Variants in ZNF385D observed in about 807,000 individuals in gnomAD.
ZNF385D encodes zinc finger protein 659.
A neutral mutation model predicts 35.8 loss-of-function variants in ZNF385D; 15 were observed. The ratio of observed to expected loss-of-function variants is 0.42; its 90% CI spans 0.28 to 0.64. The LOEUF is 0.64. Among genes scored for constraint, ZNF385D ranks in the 30% least tolerant of loss-of-function variants. ZNF385D has a pLI of 0.23. For missense variants in ZNF385D, 474 were observed against 494.6 expected, an observed-to-expected ratio of 0.96 and a Z score of 0.39; for synonymous variants, 212 against 186.8, an observed-to-expected ratio of 1.13 and a Z score of -1.10.
At chr3:21,574,374 G>A (rs182824534) in intron 2 of ZNF385D, among the ~76,000 whole-genome samples, 9 of 152,110 alleles carry the variant, frequency 5.9e-5, no homozygotes, top group Admixed American at 5.9e-4. Flanking sequence ...ACATATAAAT[G>A]GCTAGAAAAT....
intron 3 of ZNF385D, among the ~76,000 whole-genome samples, chr3:22,005,667 C>T (rs1359721895): frequency 1.3e-5 from 2 of 152,006 alleles, no homozygotes; most frequent in African/African-American, 4.8e-5. Flanking sequence ...ATTATATTCT[C>T]ACACCTCATT....
intron 3 of ZNF385D, among the ~76,000 whole-genome samples, chr3:22,022,089 T>A (rs548514751): frequency 2.8e-4 from 43 of 152,088 alleles, no homozygotes; most frequent in Non-Finnish European, 6.0e-4. Context: ...TAGTAACTGA[T>A]GAGTTCAGAT....
At position 21,721,961 on chromosome 3, in the gene ZNF385D, G is replaced by A. The variant is rs376896324; in HGVS notation, c.22+28934C>T. ...TAAAAATACACAAAATTAACTGGGC[G>A]TGGTGGCGTGTGCCTATAGTCCCAG... On this transcript the variant is annotated intron_variant, in intron 1 of 7. Coordinates refer to ENST00000281523, the MANE Select transcript of ZNF385D (RefSeq NM_024697.3). Among the ~76,000 whole-genome samples the A allele has an allele frequency of 7.9e-4, 120 of 152,192 alleles. 1 individual carries two copies. The highest frequency in any genetic ancestry group is 2.5e-3 in the African/African-American group (103 of 41,528).
intron 3 of ZNF385D, among the ~76,000 whole-genome samples, chr3:21,981,945 A>G (rs1320647865): frequency 1.3e-5 from 2 of 152,098 alleles, no homozygotes; most frequent in East Asian, 3.9e-4. Flanking sequence ...TACTAGTACC[A>G]TGCTGTTTTT....
At chr3:22,206,328 C>T (rs112620679) in intron 2 of ZNF385D, among the ~76,000 whole-genome samples, 84 of 151,770 alleles carry the variant, frequency 5.5e-4, no homozygotes, top group Middle Eastern at 6.8e-3. Flanking sequence ...ATACAATAGC[C>T]GCTAGAGACT....
intron 1 of ZNF385D, among the ~76,000 whole-genome samples, chr3:21,679,685 CA>C (rs767473566): frequency 2.0e-5 from 3 of 151,606 alleles, no homozygotes; most frequent in Non-Finnish European, 1.5e-5. Context: ...AGAGAAAGAA[CA>C]AAAAGGAAGG....
intron 2 of ZNF385D, among the ~76,000 whole-genome samples, chr3:22,294,594 TA>T (rs1483783184): frequency 6.6e-6 from 1 of 151,996 alleles, no homozygotes; most frequent in Non-Finnish European, 1.5e-5. Flanking sequence ...ATAAATCAAA[TA>T]AAAGGAAACA....
intron 2 of ZNF385D, among the ~76,000 whole-genome samples, chr3:21,637,300 G>A (rs2065477906): frequency 6.6e-6 from 1 of 152,086 alleles, no homozygotes; most frequent in African/African-American, 2.4e-5. Flanking sequence ...TGAGGATCAG[G>A]TTTCATTCTC....
At chr3:21,422,668 T>C (rs1261727337) in intron 7 of ZNF385D, among the ~76,000 whole-genome samples, 1 of 152,246 alleles carries the variant, frequency 6.6e-6, no homozygotes, top group Non-Finnish European at 1.5e-5. Flanking sequence ...ATCTCTGGGA[T>C]GAGAGGTTGG....
intron 3 of ZNF385D, among the ~76,000 whole-genome samples, chr3:22,063,170 T>A (rs1056345777): frequency 1.4e-4 from 21 of 152,346 alleles, no homozygotes; most frequent in Non-Finnish European, 2.5e-4. Flanking sequence ...TTAATTTTTT[T>A]AACCTTTCTG....
At chr3:22,298,042 G>A (rs1702687241) in intron 2 of ZNF385D, among the ~76,000 whole-genome samples, 1 of 151,940 alleles carries the variant, frequency 6.6e-6, no homozygotes, top group Non-Finnish European at 1.5e-5. Context: ...AAGGGTAGAG[G>A]GAAGAGTATG....
intron 3 of ZNF385D, among the ~76,000 whole-genome samples, chr3:21,546,098 G>A (rs7647556): frequency 0.53 from 80,713 of 151,716 alleles, 21,628 homozygotes; most frequent in East Asian, 0.62. Flanking sequence ...AGGACTGGAA[G>A]GAGAAATTAT....
At chr3:21,750,030 A>G (rs2069984028) in intron 1 of ZNF385D, among the ~76,000 whole-genome samples, 1 of 152,226 alleles carries the variant, frequency 6.6e-6, no homozygotes, top group African/African-American at 2.4e-5. Context: ...TTAAATGATG[A>G]CGCCAGATAG....
chr3:21,623,331 T>A (rs2065056488), intron 2 of ZNF385D, among the ~76,000 whole-genome samples: 1 of 152,124 alleles, frequency 6.6e-6, no homozygotes, highest in African/African-American at 2.4e-5. Context: ...TAATAACCGA[T>A]CTCAGGGAAA....
intron 3 of ZNF385D, chr3:21,978,124 TTG>T (rs3830394): frequency 0.25 from 38,066 of 152,048 alleles, 5,208 homozygotes; most frequent in East Asian, 0.32. Flanking sequence ...CTGTTCTGTT[TTG>T]TGTTTTTATT....
chr3:22,152,213 T>G (rs542061942), intron 3 of ZNF385D, among the ~76,000 whole-genome samples: 1 of 152,284 alleles, frequency 6.6e-6, no homozygotes, highest in African/African-American at 2.4e-5. Flanking sequence ...CATAGTAATT[T>G]AAACAATTGC....
intron 2 of ZNF385D, among the ~76,000 whole-genome samples, chr3:22,268,357 T>A (rs1230999853): frequency 1.3e-5 from 2 of 152,184 alleles, no homozygotes; most frequent in Middle Eastern, 3.4e-3. Context: ...TAATGTTTAA[T>A]TATAAATGTT....
rs139419222 is a variant in ZNF385D at position 21,599,517 on chromosome 3, A to G, written c.166-34833T>C. On this transcript the variant is annotated intron_variant, in intron 2 of 7. Coordinates refer to ENST00000281523, the MANE Select transcript of ZNF385D (RefSeq NM_024697.3). ...CTACTATTATTGAAAATCTGCCATG[A>G]GCTAATCCTTTTGCTGACTATAATC... Among the ~76,000 whole-genome samples, 46 of 152,304 alleles carry G rather than the reference A, an allele frequency of 3.0e-4. No individual in the cohort carries two copies. In the East Asian group the frequency reaches 7.7e-3, roughly 26 times the overall value.
chr3:21,767,242 C>T (rs1173527138), intron 3 of ZNF385D, among the ~76,000 whole-genome samples: 3 of 152,022 alleles, frequency 2.0e-5, no homozygotes, highest in Non-Finnish European at 2.9e-5. Context: ...GCTATACATA[C>T]GTCTTAGGTT....
Sources: gnomAD v4.1 joint callset for allele counts (sites outside exome capture counted in the v4.1 genomes callset) on GRCh38, gnomAD v4.1.1 for gene constraint, MANE v1.5 for transcripts, NCBI Gene and HGNC (gene_info 2026-07-23, HGNC 2026-07-21) for gene names.